The following UNC13C variants were observed in gnomAD, a reference collection of about 807,000 sequenced individuals.
The protein encoded by UNC13C is protein unc-13 homolog C.
UNC13C carries 174 observed loss-of-function variants against 245.4 expected under a neutral mutation model. That is an observed-to-expected ratio of 0.71 (90% confidence interval 0.63 to 0.80). The LOEUF is 0.80. UNC13C is among the 30% of genes least tolerant of loss of function. The pLI is 0.00. For synonymous variants in UNC13C, 992 were observed against 895.1 expected (o/e 1.11, Z -1.93); for missense variants, 2,829 against 2,602.9 (o/e 1.09, Z -1.89).
intron 10 of UNC13C, among the ~76,000 whole-genome samples, chr15:54,283,616 T>C (rs1297482683): frequency 6.6e-6 from 1 of 152,164 alleles, no homozygotes; most frequent in East Asian, 1.9e-4. Context: ...TATTTATACA[T>C]TTGAATAATG....
At chr15:54,241,816 C>A (rs568319305) in intron 7 of UNC13C, among the ~76,000 whole-genome samples, 1 of 152,152 alleles carries the variant, frequency 6.6e-6, no homozygotes, top group Non-Finnish European at 1.5e-5. Flanking sequence ...TCTAATGCCT[C>A]CCTGCCCTCT....
At chr15:54,074,251 A>G (rs1898479604) in intron 2 of UNC13C, among the ~76,000 whole-genome samples, 1 of 152,148 alleles carries the variant, frequency 6.6e-6, no homozygotes, top group East Asian at 1.9e-4. Context: ...CTGTTTTGGT[A>G]CCACTACCAT....
rs1896200984 is a variant in UNC13C at position 54,540,566 on chromosome 15, G to A, written c.5697-6156G>A. Among the ~76,000 whole-genome samples, 3 of 152,026 alleles carry A rather than the reference G, an allele frequency of 2.0e-5. 1 individual carries two copies. The highest frequency in any genetic ancestry group is 4.1e-4 in the South Asian group (2 of 4,820). On this transcript the variant is annotated intron_variant, in intron 26 of 32. Coordinates refer to ENST00000260323, the MANE Select transcript of UNC13C (RefSeq NM_001080534.3). The stretch of plus-strand genomic sequence containing the variant: ...TATTTAAAATAAACAATAGAGGTTT[G>A]AAAGTCTTCAAGGTGGTTTGAGAAA...
chr15:54,078,201 G>C (rs1898739698), intron 2 of UNC13C, among the ~76,000 whole-genome samples: 1 of 152,166 alleles, frequency 6.6e-6, no homozygotes, highest in African/African-American at 2.4e-5. Context: ...ATTCTATAGT[G>C]TGTATACATA....
chr15:54,179,333 A>G (rs1270230213), intron 4 of UNC13C, among the ~76,000 whole-genome samples: 2 of 152,328 alleles, frequency 1.3e-5, no homozygotes, highest in East Asian at 3.9e-4. Context: ...TAATGGATTT[A>G]GTCTGTATCT....
At chr15:54,038,079 T>C (rs1192464447) in intron 2 of UNC13C, among the ~76,000 whole-genome samples, 2 of 140,610 alleles carry the variant, frequency 1.4e-5, no homozygotes, top group Non-Finnish European at 3.0e-5. Context: ...TATGTATATG[T>C]GTGTGTGTAT....
intron 19 of UNC13C, among the ~76,000 whole-genome samples, chr15:54,444,797 A>G (rs1051228223): frequency 6.6e-6 from 1 of 151,444 alleles, no homozygotes; most frequent in African/African-American, 2.4e-5. Context: ...TATTTTTTAT[A>G]TATATATTAC....
the UNC13C span, among the ~76,000 whole-genome samples, chr15:53,969,343 C>T: frequency 3.5e-4 from 53 of 152,218 alleles, no homozygotes; most frequent in Middle Eastern, 6.8e-3. Context: ...CTAACTCAAG[C>T]AGGAATTTGA....
chr15:54,581,795 ATC>A (rs963510288), intron 30 of UNC13C, among the ~76,000 whole-genome samples: 2 of 152,194 alleles, frequency 1.3e-5, no homozygotes, highest in African/African-American at 4.8e-5. Flanking sequence ...GGGCTCAAAT[ATC>A]TCTTTTAATC....
At chr15:53,923,252 G>GT in the UNC13C span, among the ~76,000 whole-genome samples, 14 of 152,320 alleles carry the variant, frequency 9.2e-5, no homozygotes, top group African/African-American at 2.6e-4. Flanking sequence ...AAAAGGTAAT[G>GT]TGATTATTTT....
intron 17 of UNC13C, among the ~76,000 whole-genome samples, chr15:54,384,079 C>T (rs929105758): frequency 5.9e-5 from 9 of 152,084 alleles, no homozygotes; most frequent in South Asian, 4.1e-4. Flanking sequence ...AATGACCATA[C>T]TACCCAAAGC....
At chr15:54,408,590 T>A (rs756263) in intron 18 of UNC13C, among the ~76,000 whole-genome samples, 87,289 of 151,908 alleles carry the variant, frequency 0.57, 25,283 homozygotes, top group East Asian at 0.75. Flanking sequence ...AAAAATAATC[T>A]TATTCAGCTT....
At chr15:54,359,317 T>C (rs2039173591) in intron 17 of UNC13C, among the ~76,000 whole-genome samples, 1 of 151,842 alleles carries the variant, frequency 6.6e-6, no homozygotes, top group Admixed American at 6.6e-5. Flanking sequence ...TTTGATATCA[T>C]TGTAATGCTG....
intron 2 of UNC13C, among the ~76,000 whole-genome samples, chr15:54,131,205 T>C (rs2031394432): frequency 6.6e-6 from 1 of 152,226 alleles, no homozygotes; most frequent in Non-Finnish European, 1.5e-5. Context: ...TTTTGGTATA[T>C]GTGGACCAGA....
chr15:54,598,085 G>T (rs1340595377), intron 30 of UNC13C, among the ~76,000 whole-genome samples: 1 of 152,156 alleles, frequency 6.6e-6, no homozygotes, highest in Non-Finnish European at 1.5e-5. Flanking sequence ...ATGAGTGAAA[G>T]ATTTTAACCT....
the UNC13C span, among the ~76,000 whole-genome samples, chr15:53,856,417 C>A: frequency 2.0e-5 from 3 of 151,840 alleles, no homozygotes. Flanking sequence ...AACTTGAGAT[C>A]TTTCTAGCTT....
At chr15:54,414,861 C>G (rs982700530) in intron 18 of UNC13C, 121 bp from the exon 19 acceptor site, 27 of 528,604 alleles carry the variant, frequency 5.1e-5, no homozygotes, top group Non-Finnish European at 8.6e-5. Context: ...AGAGAAATGT[C>G]ATAAATAAAA....
At chr15:54,238,649 T>A (rs2035770956) in intron 7 of UNC13C, among the ~76,000 whole-genome samples, 1 of 152,210 alleles carries the variant, frequency 6.6e-6, no homozygotes, top group African/African-American at 2.4e-5. Context: ...TTATTTTGAT[T>A]ATTTTGCATA....
At chr15:53,930,130 C>A in the UNC13C span, among the ~76,000 whole-genome samples, 1 of 152,148 alleles carries the variant, frequency 6.6e-6, no homozygotes, top group Admixed American at 6.6e-5. Context: ...GGCCTTGAAG[C>A]TGACTGTCAG....
Sources: gnomAD v4.1 joint callset for allele counts (sites outside exome capture counted in the v4.1 genomes callset) on GRCh38, gnomAD v4.1.1 for gene constraint, MANE v1.5 for transcripts, NCBI Gene and HGNC (gene_info 2026-07-23, HGNC 2026-07-21) for gene names.